Variants in CERS3 observed in about 807,000 individuals in gnomAD.
CERS3 encodes the protein ceramide synthase 3.
A neutral mutation model predicts 50.3 loss-of-function variants in CERS3; 33 were observed. That is an observed-to-expected ratio of 0.66 (90% CI 0.50 to 0.88). The LOEUF (loss-of-function observed/expected upper bound fraction) is 0.88, where lower values mean the gene tolerates loss of function less well. Among genes scored for constraint, CERS3 ranks in the 40% least tolerant of loss-of-function variants. The pLI is 0.00. For missense variants in CERS3, 470 were observed against 460.3 expected (o/e 1.02, Z -0.19); for synonymous variants, 176 against 155.2 (o/e 1.13, Z -0.99).
At chr15:100,425,361 T>A (rs1423756440) in intron 11 of CERS3, among the ~76,000 whole-genome samples, 1 of 152,198 alleles carries the variant, frequency 6.6e-6, no homozygotes, top group African/African-American at 2.4e-5. Context: ...TGATGTACAC[T>A]GCAGAGCCAC....
intron 10 of CERS3, among the ~76,000 whole-genome samples, chr15:100,468,808 A>G (rs1370406699): frequency 6.6e-6 from 1 of 152,226 alleles, no homozygotes; most frequent in African/African-American, 2.4e-5. Flanking sequence ...CAACAGACTG[A>G]TCGAGAGCCA....
At position 100,443,760 on chromosome 15, in the gene CERS3, C is replaced by T. The variant is rs564792856; in HGVS notation, c.999+12133G>A. Among the ~76,000 whole-genome samples, 35 of 152,062 alleles carry T rather than the reference C, an allele frequency of 2.3e-4. No homozygotes were observed. The South Asian group carries it at 5.2e-3, about 23-fold the overall frequency. On this transcript the variant is annotated intron_variant, in intron 11 of 11. Coordinates refer to ENST00000679737, the MANE Select transcript of CERS3 (RefSeq NM_001378789.1). ...ATAAAGACACACGTGCTCTCCCTGC[C>T]GATAGTGTCCGACTGATCTCTCAAA...
At chr15:100,413,326 G>C (rs1429242685) in intron 11 of CERS3, among the ~76,000 whole-genome samples, 2 of 152,092 alleles carry the variant, frequency 1.3e-5, no homozygotes, top group Non-Finnish European at 2.9e-5. Context: ...TAGCAAGACA[G>C]AGGATTAAGC....
intron 10 of CERS3, among the ~76,000 whole-genome samples, chr15:100,464,555 C>G (rs2075483365): frequency 6.6e-6 from 1 of 152,198 alleles, no homozygotes; most frequent in South Asian, 2.1e-4. Flanking sequence ...ACGATCTGCT[C>G]TTGTTATTTG....
chr15:100,485,719 C>T (rs531089928), intron 4 of CERS3, among the ~76,000 whole-genome samples: 12 of 152,098 alleles, frequency 7.9e-5, no homozygotes, highest in African/African-American at 2.6e-4. Flanking sequence ...CAAAAATTAG[C>T]TGGGCGTGGT....
intron 1 of CERS3, among the ~76,000 whole-genome samples, chr15:100,526,926 T>G (rs1342818431): frequency 2.6e-5 from 4 of 152,188 alleles, no homozygotes; most frequent in African/African-American, 9.6e-5. Flanking sequence ...TGCCTTTTTA[T>G]GTCTTATAAT....
intron 7 of CERS3, among the ~76,000 whole-genome samples, chr15:100,477,493 C>T (rs1323150600): frequency 2.6e-5 from 4 of 151,978 alleles, no homozygotes; most frequent in Non-Finnish European, 5.9e-5. Flanking sequence ...TGTTTGAAGA[C>T]GTCAGAGAGC....
chr15:100,474,806 G>C (rs1008301122), intron 8 of CERS3, among the ~76,000 whole-genome samples: 9 of 152,192 alleles, frequency 5.9e-5, no homozygotes, highest in African/African-American at 2.2e-4. Flanking sequence ...ATCAAGTTTA[G>C]AGAGTTTAAC....
chr15:100,492,185 TAG>T (rs1567659122), intron 3 of CERS3, among the ~76,000 whole-genome samples: 3 of 152,232 alleles, frequency 2.0e-5, no homozygotes. Flanking sequence ...TGTTGTTGAG[TAG>T]AGTGTTCTAT....
At chr15:100,469,721 A>G (rs951442697) in intron 9 of CERS3, among the ~76,000 whole-genome samples, 2 of 152,204 alleles carry the variant, frequency 1.3e-5, no homozygotes, top group African/African-American at 4.8e-5. Context: ...TTTGCATAAT[A>G]TAATGTTTTT....
chr15:100,489,924 A>G (rs964296145), intron 4 of CERS3, among the ~76,000 whole-genome samples: 1 of 152,214 alleles, frequency 6.6e-6, no homozygotes, highest in African/African-American at 2.4e-5. Context: ...TGTGCAGAGA[A>G]ACCACGAGGA....
At chr15:100,531,073 G>C (rs1158566884), upstream of CERS3, among the ~76,000 whole-genome samples, 2 of 151,976 alleles carry the variant, frequency 1.3e-5, no homozygotes, top group African/African-American at 4.8e-5. Flanking sequence ...GACAGAGTGA[G>C]ACTCCTGTCT....
intron 11 of CERS3, among the ~76,000 whole-genome samples, chr15:100,438,474 C>G (rs2033531886): frequency 1.3e-5 from 2 of 151,984 alleles, no homozygotes; most frequent in African/African-American, 4.8e-5. Context: ...GTATTTTAAA[C>G]TAATTTTCTG....
At chr15:100,446,864 T>C (rs1003467086) in intron 11 of CERS3, among the ~76,000 whole-genome samples, 2 of 152,148 alleles carry the variant, frequency 1.3e-5, no homozygotes, top group Admixed American at 6.5e-5. Flanking sequence ...CCCTCCTTCC[T>C]TTGGAATCCA....
At chr15:100,526,067 A>G (rs2036779734) in intron 1 of CERS3, among the ~76,000 whole-genome samples, 1 of 152,232 alleles carries the variant, frequency 6.6e-6, no homozygotes. Context: ...CCCCTCTGCT[A>G]TCTCTCTGCT....
intron 3 of CERS3, among the ~76,000 whole-genome samples, chr15:100,492,845 G>T (rs1465500116): frequency 6.6e-6 from 1 of 151,694 alleles, no homozygotes; most frequent in Non-Finnish European, 1.5e-5. Flanking sequence ...TGTCTTTTTG[G>T]TTTTTTACTA....
At chr15:100,444,563 T>C (rs559025599) in intron 11 of CERS3, among the ~76,000 whole-genome samples, 1,548 of 152,342 alleles carry the variant, frequency 0.01, 18 homozygotes, top group Non-Finnish European at 0.013. Context: ...CTAGCCCGCC[T>C]CTTAGAACCT....
intron 11 of CERS3, among the ~76,000 whole-genome samples, chr15:100,430,233 AC>A: frequency 6.6e-6 from 1 of 151,200 alleles, no homozygotes; most frequent in African/African-American, 2.4e-5. Flanking sequence ...AATGGCGTGA[AC>A]CCGGGAGGCG....
intron 11 of CERS3, among the ~76,000 whole-genome samples, chr15:100,424,655 A>T (rs1478362038): frequency 6.6e-6 from 1 of 152,250 alleles, no homozygotes; most frequent in South Asian, 2.1e-4. Context: ...GAAATTTTTA[A>T]GCAGCAATGC....
Sources: gnomAD v4.1 joint callset for allele counts (sites outside exome capture counted in the v4.1 genomes callset) on GRCh38, gnomAD v4.1.1 for gene constraint, MANE v1.5 for transcripts, NCBI Gene and HGNC (gene_info 2026-07-23, HGNC 2026-07-21) for gene names.